TBC1D22B: variants seen among roughly 807,000 people sequenced by gnomAD.
The protein encoded by TBC1D22B is TBC1 domain family member 22B, also known as chromosome 6 open reading frame 197.
TBC1D22B carries 32 observed loss-of-function variants against 69.1 expected under a neutral mutation model. The ratio of observed to expected loss-of-function variants is 0.46; its 90% CI spans 0.35 to 0.62. The LOEUF (loss-of-function observed/expected upper bound fraction) is 0.62, where lower values mean the gene tolerates loss of function less well. Ranked by LOEUF, TBC1D22B falls within the 20% of genes least tolerant of loss-of-function variation. TBC1D22B has a pLI of 0.00. For synonymous variants in TBC1D22B, 206 were observed against 229.8 expected, an observed-to-expected ratio of 0.90 and a Z score of 0.94; for missense variants, 462 against 630.9, an observed-to-expected ratio of 0.73 and a Z score of 2.87.
Position 37,257,901 on chromosome 6 carries a change from T to G in TBC1D22B, c.-17T>G. On this transcript the variant is annotated 5_prime_UTR_variant, in exon 1 of 13. Transcript: ENST00000373491. ...AAACCCTTGGCCCGCCTACAAGGAC[T>G]TCCCCCGGCCAGAGCAATGGCCGCT... 6.2e-7 allele frequency: 1 copy of G among 1,612,996 alleles called. No individual in the cohort carries two copies. The highest frequency in any genetic ancestry group is 1.1e-5 in the South Asian group (1 of 90,780).
intron 8 of TBC1D22B, among the ~76,000 whole-genome samples, chr6:37,307,131 A>G (rs1767744567): frequency 6.6e-6 from 1 of 152,232 alleles, no homozygotes; most frequent in Admixed American, 6.5e-5. Context: ...TGAAAATGCC[A>G]GATGCATAAC....
chr6:37,271,345 A>G (rs1373596969), intron 2 of TBC1D22B, among the ~76,000 whole-genome samples: 1 of 152,080 alleles, frequency 6.6e-6, no homozygotes, highest in African/African-American at 2.4e-5. Flanking sequence ...AAAACAAAAA[A>G]CGGTGGATAC....
In TBC1D22B at chr6:37,259,189, A is replaced by G. The variant is rs537006267; in HGVS notation, c.56+1216A>G. ...CTTATTTTATTAAGGATTCTAGTAG[A>G]CATATGGAGAATAGGGTGGAAATCA... On this transcript the variant is annotated intron_variant, in intron 1 of 12. Coordinates refer to ENST00000373491, the MANE Select transcript of TBC1D22B (RefSeq NM_017772.4). Among the ~76,000 whole-genome samples the G allele has an allele frequency of 7.2e-5, 11 of 152,268 alleles. 1 individual carries two copies. Among genetic ancestry groups the G allele is most frequent in the Admixed American group, 6.5e-4 (10 of 15,306 alleles).
At chr6:37,276,725 A>C (rs1487188839) in intron 2 of TBC1D22B, among the ~76,000 whole-genome samples, 1 of 151,938 alleles carries the variant, frequency 6.6e-6, no homozygotes, top group Admixed American at 6.6e-5. Context: ...GAGGTCAAGA[A>C]TTTGAGACCA....
intron 12 of TBC1D22B, among the ~76,000 whole-genome samples, chr6:37,326,603 C>T (rs1054191501): frequency 5.3e-5 from 8 of 152,038 alleles, no homozygotes; most frequent in African/African-American, 1.4e-4. Context: ...CCTGGCTTAA[C>T]GGTGAAACCC....
chr6:37,329,183 G>A (rs1309929799), intron 12 of TBC1D22B, among the ~76,000 whole-genome samples: 1 of 152,198 alleles, frequency 6.6e-6, no homozygotes, highest in African/African-American at 2.4e-5. Flanking sequence ...ATGTTTATGT[G>A]TACATGTACA....
At chr6:37,269,188 A>G (rs533910622) in intron 1 of TBC1D22B, among the ~76,000 whole-genome samples, 2 of 152,328 alleles carry the variant, frequency 1.3e-5, no homozygotes, top group South Asian at 4.1e-4. Flanking sequence ...CTTTTAGCCC[A>G]GTGAGCCTTT....
chr6:37,258,105 C>A, intron 1 of TBC1D22B, 132 bp downstream of exon 1: 1 of 1,015,538 alleles, frequency 9.8e-7, no homozygotes, highest in Non-Finnish European at 1.4e-6. Flanking sequence ...TGCCTGGTGG[C>A]GGCAGGGCAG....
intron 12 of TBC1D22B, chr6:37,324,168 C>A: frequency 2.5e-6 from 1 of 393,018 alleles, no homozygotes; most frequent in South Asian, 1.9e-5. Flanking sequence ...TCCAGTACTG[C>A]AAAGTGATTC....
intron 8 of TBC1D22B, among the ~76,000 whole-genome samples, chr6:37,304,737 CAT>C (rs1362471467): frequency 6.6e-6 from 1 of 152,054 alleles, no homozygotes; most frequent in Non-Finnish European, 1.5e-5. Flanking sequence ...TGTCAAGACT[CAT>C]AGAACTGTGC....
intron 8 of TBC1D22B, among the ~76,000 whole-genome samples, chr6:37,293,147 G>A (rs1044010275): frequency 6.6e-6 from 1 of 150,828 alleles, no homozygotes; most frequent in Admixed American, 6.6e-5. Flanking sequence ...GCGTGATCTC[G>A]GCTCACAGCA....
At chr6:37,284,959 T>C (rs1000358432) in intron 6 of TBC1D22B, among the ~76,000 whole-genome samples, 1 of 152,212 alleles carries the variant, frequency 6.6e-6, no homozygotes, top group Admixed American at 6.5e-5. Context: ...CACTGCTGTT[T>C]TGGCATCTGT....
At chr6:37,328,195 C>T (rs1404336905) in intron 12 of TBC1D22B, among the ~76,000 whole-genome samples, 1 of 152,042 alleles carries the variant, frequency 6.6e-6, no homozygotes, top group African/African-American at 2.4e-5. Context: ...ATCCCAGCTA[C>T]TCGGGAGGCT....
intron 8 of TBC1D22B, among the ~76,000 whole-genome samples, chr6:37,295,023 G>T (rs1247125551): frequency 1.3e-5 from 2 of 152,344 alleles, no homozygotes; most frequent in East Asian, 1.9e-4. Flanking sequence ...GACAGGAAAA[G>T]ATTTAGAATA....
chr6:37,316,884 T>C, intron 11 of TBC1D22B, 54 bp downstream of exon 11: 1 of 1,611,302 alleles, frequency 6.2e-7, no homozygotes, highest in Non-Finnish European at 8.5e-7. Context: ...GGTGTCCAGC[T>C]CTCTGCCATG....
intron 8 of TBC1D22B, among the ~76,000 whole-genome samples, chr6:37,292,552 G>T (rs1767221393): frequency 6.6e-6 from 1 of 152,070 alleles, no homozygotes; most frequent in Non-Finnish European, 1.5e-5. Flanking sequence ...TTTATCAAGA[G>T]AGCATTTCAG....
At chr6:37,274,620 A>G (rs1346727079) in intron 2 of TBC1D22B, among the ~76,000 whole-genome samples, 2 of 152,240 alleles carry the variant, frequency 1.3e-5, no homozygotes, top group Non-Finnish European at 2.9e-5. Flanking sequence ...CTCATTTCAC[A>G]GATTTGTGAG....
chr6:37,315,791 G>T (rs1562065424), intron 10 of TBC1D22B, among the ~76,000 whole-genome samples: 1 of 152,072 alleles, frequency 6.6e-6, no homozygotes. Context: ...GCCTAGCCTG[G>T]TCTTGAGCTC....
chr6:37,282,718 A>G (rs1312802386), intron 4 of TBC1D22B, among the ~76,000 whole-genome samples, 164 bp from the exon 5 acceptor site: 1 of 152,090 alleles, frequency 6.6e-6, no homozygotes, highest in Non-Finnish European at 1.5e-5. Context: ...TGTCCTTGGC[A>G]CTTAGCTGCT....
Sources: allele counts gnomAD v4.1 joint callset (sites outside exome capture counted in the v4.1 genomes callset), GRCh38; gene constraint gnomAD v4.1.1; transcripts MANE v1.5; gene names NCBI Gene and HGNC (gene_info 2026-07-23, HGNC 2026-07-21).